The following THSD4 variants were observed in gnomAD, a reference collection of about 807,000 sequenced individuals.
THSD4 encodes the protein thrombospondin type-1 domain-containing protein 4.
Under a neutral mutation model 119.0 loss-of-function variants are expected in THSD4, and 69 were observed. That is an observed-to-expected ratio of 0.58 (90% CI 0.48 to 0.71). The LOEUF (loss-of-function observed/expected upper bound fraction) is 0.71. Ranked by LOEUF, THSD4 falls within the 30% of genes least tolerant of loss-of-function variation. THSD4 has a pLI of 0.00. For synonymous variants in THSD4, 524 were observed against 540.4 expected (o/e 0.97, Z 0.42); for missense variants, 1,393 against 1,391.1 (o/e 1.00, Z -0.02).
intron 2 of THSD4, among the ~76,000 whole-genome samples, chr15:71,148,336 G>C (rs1360144745): frequency 6.6e-6 from 1 of 152,168 alleles, no homozygotes; most frequent in Middle Eastern, 3.2e-3. Flanking sequence ...GTGCCAACCA[G>C]ATTCAGAAAG....
chr15:71,426,994 C>T (rs1001146972), intron 7 of THSD4, among the ~76,000 whole-genome samples: 24 of 152,060 alleles, frequency 1.6e-4, no homozygotes, highest in African/African-American at 4.6e-4. Flanking sequence ...AGTAAACTTT[C>T]GGGGCACTTG....
chr15:71,141,563 G>T lies in THSD4; in HGVS notation c.29+7G>T. 1.9e-6 allele frequency: 3 copies of T among 1,607,214 alleles called. No homozygotes were observed. The highest frequency in any genetic ancestry group is 2.5e-6 in the Non-Finnish European group (3 of 1,177,256). On this transcript the variant is annotated splice_region_variant and intron_variant, in intron 2 of 17. Coordinates refer to ENST00000261862, the MANE Select transcript of THSD4 (RefSeq NM_024817.3). ...ATTTCATGGGGTCTCTCAGGTAAGT[G>T]AAGAAACTTTTTTTAAAAAAACAGG...
chr15:71,200,940 C>T (rs1401510635), intron 3 of THSD4, among the ~76,000 whole-genome samples: 1 of 152,144 alleles, frequency 6.6e-6, no homozygotes, highest in Non-Finnish European at 1.5e-5. Flanking sequence ...CCCTTTGTGC[C>T]CTATATCCAT....
intron 7 of THSD4, among the ~76,000 whole-genome samples, chr15:71,656,844 CAT>C (rs1375957810): frequency 2.6e-5 from 4 of 152,266 alleles, no homozygotes; most frequent in South Asian, 2.1e-4. Context: ...AATGGAAAAA[CAT>C]ATATGTTTCC....
At chr15:71,463,885 TTCAAA>T (rs1043507408) in intron 7 of THSD4, among the ~76,000 whole-genome samples, 45 of 152,338 alleles carry the variant, frequency 3.0e-4, no homozygotes, top group African/African-American at 1.1e-3. Flanking sequence ...CTTTACATAA[TTCAAA>T]TCAAACTATT....
chr15:71,514,762 A>G (rs1213590601), intron 7 of THSD4, among the ~76,000 whole-genome samples: 6 of 152,250 alleles, frequency 3.9e-5, no homozygotes, highest in African/African-American at 1.4e-4. Flanking sequence ...AAATAAAAAC[A>G]TTTTAAACAA....
chr15:71,128,302 A>G (rs537736125), intron 1 of THSD4, among the ~76,000 whole-genome samples: 2 of 152,114 alleles, frequency 1.3e-5, no homozygotes, highest in Admixed American at 6.5e-5. Flanking sequence ...CGAGGTGGGT[A>G]GATCACCTGA....
chr15:71,169,467 G>T (rs1364097006), intron 3 of THSD4, among the ~76,000 whole-genome samples: 2 of 152,112 alleles, frequency 1.3e-5, no homozygotes, highest in African/African-American at 4.8e-5. Context: ...AAAACACATG[G>T]ATAACAATAT....
intron 8 of THSD4, among the ~76,000 whole-genome samples, chr15:71,721,197 T>C (rs1344963916): frequency 6.6e-6 from 1 of 151,996 alleles, no homozygotes; most frequent in Non-Finnish European, 1.5e-5. Context: ...TGAAACCCTG[T>C]CTCTATTAAA....
chr15:71,675,075 A>G (rs2051613276), intron 8 of THSD4, among the ~76,000 whole-genome samples: 1 of 152,040 alleles, frequency 6.6e-6, no homozygotes, highest in Non-Finnish European at 1.5e-5. Flanking sequence ...TTCCAATCCA[A>G]TCCCCCTCCT....
intron 7 of THSD4, among the ~76,000 whole-genome samples, chr15:71,539,471 G>A (rs1210928467): frequency 1.3e-5 from 2 of 152,164 alleles, no homozygotes; most frequent in African/African-American, 4.8e-5. Flanking sequence ...AGGTAAAATA[G>A]CCTTAGAGGT....
intron 5 of THSD4, 114 bp downstream of exon 5, chr15:71,243,210 C>T: frequency 1.9e-6 from 2 of 1,039,662 alleles, no homozygotes; most frequent in Non-Finnish European, 2.8e-6. Context: ...CATGTTAACA[C>T]ACCTTTTAAT....
At chr15:71,715,760 G>A (rs2052595058) in intron 8 of THSD4, among the ~76,000 whole-genome samples, 1 of 135,028 alleles carries the variant, frequency 7.4e-6, no homozygotes, top group African/African-American at 2.6e-5. Flanking sequence ...CTCAAAATTT[G>A]GAATTAGGCT....
chr15:71,701,046 T>C (rs557201339), intron 8 of THSD4, among the ~76,000 whole-genome samples: 1 of 152,238 alleles, frequency 6.6e-6, no homozygotes, highest in African/African-American at 2.4e-5. Flanking sequence ...TTAATAAGAA[T>C]TGGGGGCTTC....
intron 7 of THSD4, among the ~76,000 whole-genome samples, chr15:71,561,841 A>G (rs1350066197): frequency 6.6e-6 from 1 of 150,960 alleles, no homozygotes; most frequent in African/African-American, 2.4e-5. Context: ...CAAAGGGTGG[A>G]CCCAGGACTC....
chr15:71,160,772 A>T (rs1462715126), intron 3 of THSD4, among the ~76,000 whole-genome samples: 38 of 142,816 alleles, frequency 2.7e-4, no homozygotes, highest in Non-Finnish European at 3.7e-4. Flanking sequence ...TGATCTTAAA[A>T]TTTTTTTTTT....
Position 71,165,441 on chromosome 15 carries a change from G to A in THSD4, c.99+10509G>A, listed in dbSNP as rs186538977. Reference sequence around the variant, plus strand: ...TGTTTAGTTATTTTTCCTCAGCGAGGCACAGAGTCGCCCAGTGCCCGTCCG... The same window carrying A: ...TGTTTAGTTATTTTTCCTCAGCGAGACACAGAGTCGCCCAGTGCCCGTCCG... On this transcript the variant is annotated intron_variant, in intron 3 of 17. Transcript: ENST00000261862. The A allele has an allele frequency of 7.3e-5, 105 of 1,437,564 alleles. 1 individual carries two copies. The African/African-American group carries it at 1.1e-3, about 15-fold the overall frequency. The allele number at this position is 1,437,564 out of a possible 1,614,324, so 89.1% of individuals were successfully genotyped here. A position where few individuals can be genotyped will look rare whatever the true frequency, so the allele number is the denominator to read the frequency against.
intron 7 of THSD4, among the ~76,000 whole-genome samples, chr15:71,458,824 C>T (rs993999489): frequency 5.9e-5 from 9 of 152,178 alleles, no homozygotes; most frequent in Non-Finnish European, 1.0e-4. Flanking sequence ...CATTCTTATT[C>T]TGTGAGATCT....
At chr15:71,520,020 G>C (rs909152188) in intron 7 of THSD4, among the ~76,000 whole-genome samples, 23 of 152,180 alleles carry the variant, frequency 1.5e-4, no homozygotes, top group Non-Finnish European at 3.1e-4. Flanking sequence ...TGTACTGTCT[G>C]TCTAGCAGGA....
Sources: gnomAD v4.1 joint callset for allele counts (sites outside exome capture counted in the v4.1 genomes callset) on GRCh38, gnomAD v4.1.1 for gene constraint, MANE v1.5 for transcripts, NCBI Gene and HGNC (gene_info 2026-07-23, HGNC 2026-07-21) for gene names.